Variants in CYB5RL observed in about 807,000 individuals in gnomAD.
CYB5RL encodes the protein NADH-cytochrome b5 reductase-like.
In CYB5RL, 38 loss-of-function variants were observed where a neutral mutation model predicts 37.5. The ratio of observed to expected loss-of-function variants is 1.01; its 90% confidence interval spans 0.78 to 1.33. CYB5RL has a LOEUF of 1.33. Ranked by LOEUF, CYB5RL falls within the 40% of genes most tolerant of loss-of-function variation. The pLI is 0.00. For missense variants in CYB5RL, 388 were observed against 394.4 expected (o/e 0.98, Z 0.14); for synonymous variants, 141 against 151.9 (o/e 0.93, Z 0.53).
chr1:54,191,274 T>C (rs1570117182), intron 3 of CYB5RL, among the ~76,000 whole-genome samples: 1 of 152,340 alleles, frequency 6.6e-6, no homozygotes, highest in Non-Finnish European at 1.5e-5. Flanking sequence ...TCTGAGTCTT[T>C]ATTTGCTCAA....
intron 1 of CYB5RL, among the ~76,000 whole-genome samples, chr1:54,198,145 T>C (rs1368530745): frequency 6.6e-6 from 1 of 150,530 alleles, no homozygotes; most frequent in African/African-American, 2.5e-5. Flanking sequence ...AGTTTACAGA[T>C]ACAATCTGGG....
At chr1:54,175,509 G>C (rs940501389) in intron 7 of CYB5RL, 21 of 302,022 alleles carry the variant, frequency 7.0e-5, no homozygotes, top group African/African-American at 2.2e-4. Context: ...CAAAATGAAG[G>C]CTCCACTCCC....
intron 7 of CYB5RL, chr1:54,175,578 A>C (rs1388104915): frequency 5.4e-6 from 2 of 369,728 alleles, no homozygotes; most frequent in African/African-American, 4.2e-5. Context: ...GGAGTACAAC[A>C]TATGTGTAGA....
intron 5 of CYB5RL, among the ~76,000 whole-genome samples, chr1:54,186,958 G>A (rs1643906613): frequency 6.6e-6 from 1 of 152,070 alleles, no homozygotes; most frequent in Non-Finnish European, 1.5e-5. Context: ...TTAAATATTC[G>A]TAATGATTCC....
intron 7 of CYB5RL, chr1:54,175,654 C>T (rs1287186915): frequency 4.5e-6 from 2 of 444,884 alleles, no homozygotes; most frequent in Non-Finnish European, 9.0e-6. Flanking sequence ...TTTGTGGATT[C>T]AACCAACTGT....
chr1:54,174,702 A>C lies in CYB5RL; in HGVS notation c.865T>G (p.Cys289Gly), dbSNP rs757112805. 1.9e-5 allele frequency: 31 copies of C among 1,613,854 alleles called. No homozygotes were observed. Among genetic ancestry groups the C allele is most frequent in the South Asian group, 8.8e-5 (8 of 91,038 alleles). The part of the protein sequence containing the change: ...CCRRKPFALV[C>G]GSAEFTKDIA... Reference sequence around the variant, plus strand: ...TCTTTGGTGAACTCAGCCGAGCCACAGACCAGTGCGAATGGCTTTCTCCGA... The same window carrying C: ...TCTTTGGTGAACTCAGCCGAGCCACCGACCAGTGCGAATGGCTTTCTCCGA... The change falls in exon 8 of 8, where the codon TGT becomes GGT. Residue 289 changes from cysteine to glycine, a missense_variant. Coordinates refer to ENST00000534324, the MANE Select transcript of CYB5RL (RefSeq NM_001031672.4).
At chr1:54,183,423 C>G (rs1660213160) in intron 6 of CYB5RL, among the ~76,000 whole-genome samples, 1 of 152,158 alleles carries the variant, frequency 6.6e-6, no homozygotes, top group Non-Finnish European at 1.5e-5. Flanking sequence ...TATGCACCAA[C>G]TGATGAGAAA....
intron 6 of CYB5RL, among the ~76,000 whole-genome samples, chr1:54,182,963 T>A (rs1004271942): frequency 1.3e-5 from 2 of 152,260 alleles, no homozygotes; most frequent in Admixed American, 6.5e-5. Context: ...GTAATAGGTG[T>A]TCGCTGCAAA....
intron 7 of CYB5RL, among the ~76,000 whole-genome samples, chr1:54,176,688 A>G (rs562689620): frequency 6.6e-6 from 1 of 152,062 alleles, no homozygotes; most frequent in South Asian, 2.1e-4. Context: ...CCCCTTTTCC[A>G]CTGCTCATTT....
In CYB5RL at chr1:54,183,326, A is replaced by G. The variant is rs149918306; in HGVS notation, c.540+835T>C. Reference sequence around the variant, plus strand: ...CGCAGAAGAGCCAGCATTTTGATTCATTCTATAGGACGGACTTCCATAAGT... The same window carrying G: ...CGCAGAAGAGCCAGCATTTTGATTCGTTCTATAGGACGGACTTCCATAAGT... On this transcript the variant is annotated intron_variant, in intron 6 of 7. Transcript: ENST00000534324. Among the ~76,000 whole-genome samples the G allele has an allele frequency of 1.6e-3, 240 of 152,340 alleles. 2 individuals are homozygous for G. Among genetic ancestry groups the G allele is most frequent in the African/African-American group, 5.7e-3 (235 of 41,574 alleles).
At position 54,171,265 on chromosome 1, in the gene CYB5RL, G is replaced by A. The variant is rs1406717476; in HGVS notation, c.*3354C>T. ...GGGATGAGCTGACGCAAGAGAACAT[G>A]TTTGGAGCCTGAGAGGTGGGTGTGA... On this transcript the variant is annotated 3_prime_UTR_variant, in exon 8 of 8. Coordinates refer to ENST00000534324, the MANE Select transcript of CYB5RL (RefSeq NM_001031672.4). The A allele has an allele frequency of 2.2e-5, 10 of 456,200 alleles. No homozygotes were observed. Among genetic ancestry groups the A allele is most frequent in the Non-Finnish European group, 2.6e-5 (6 of 226,814 alleles). 28.3% of individuals were successfully genotyped at this position (456,200 alleles called of 1,614,324 possible).
intron 4 of CYB5RL, among the ~76,000 whole-genome samples, chr1:54,189,159 G>T (rs1240254537): frequency 6.6e-6 from 1 of 151,520 alleles, no homozygotes; most frequent in African/African-American, 2.4e-5. Context: ...CTCCAACCTG[G>T]GTGACAGAGT....
chr1:54,184,461 G>A, intron 5 of CYB5RL, 196 bp from the exon 6 acceptor site: 1 of 540,006 alleles, frequency 1.9e-6, no homozygotes, highest in South Asian at 2.6e-5. Flanking sequence ...TTACACAGAA[G>A]GCAGACAGGA....
rs1346723971 is a variant in CYB5RL, at chr1:54,195,631, C to A, written c.-15G>T. ...TCAGCCATCATCAGTGGGGCTTGGG[C>A]AGCCTAGAAGGAACAACTGGGTGCT... On this transcript the variant is annotated 5_prime_UTR_variant, in exon 3 of 8. Coordinates refer to ENST00000534324, the MANE Select transcript of CYB5RL (RefSeq NM_001031672.4). The A allele has an allele frequency of 3.8e-6, 6 of 1,597,822 alleles. No homozygotes were observed. Among genetic ancestry groups the A allele is most frequent in the Non-Finnish European group, 5.1e-6 (6 of 1,170,280 alleles).
In CYB5RL at chr1:54,170,604, G is replaced by A. The variant is rs11810652; in HGVS notation, c.*4015C>T. ...TTTTTTGTATTTTTAGTACAGACGG[G>A]GTTTCACCGTGTTAGCCAGGATGGT... On this transcript the variant is annotated 3_prime_UTR_variant, in exon 8 of 8. Transcript: ENST00000534324. The A allele has an allele frequency of 0.043, 7,026 of 161,588 alleles. 399 individuals carry two copies. Among genetic ancestry groups the A allele is most frequent in the East Asian group, 0.25 (1,479 of 5,814 alleles). The allele number at this position is 161,588 out of a possible 1,614,324, so 10.0% of individuals were successfully genotyped here. A position where few individuals can be genotyped will look rare whatever the true frequency, so the allele number is the denominator to read the frequency against.
chr1:54,194,933 C>T (rs546711962), intron 3 of CYB5RL, among the ~76,000 whole-genome samples: 1 of 152,170 alleles, frequency 6.6e-6, no homozygotes, highest in Non-Finnish European at 1.5e-5. Context: ...ACTGCTTAGT[C>T]CAGACTATGA....
In CYB5RL at chr1:54,170,992, G is replaced by C; in HGVS notation, c.*3627C>G. On this transcript the variant is annotated 3_prime_UTR_variant, in exon 8 of 8. Coordinates refer to ENST00000534324, the MANE Select transcript of CYB5RL (RefSeq NM_001031672.4). Reference sequence around the variant, plus strand: ...GTATTCGACATCCAGGAAGTGCTGAGCATCCTCCCCTGTTAGGGGTACAAT... The same window carrying C: ...GTATTCGACATCCAGGAAGTGCTGACCATCCTCCCCTGTTAGGGGTACAAT... 1 of 374,972 alleles carries C rather than the reference G, an allele frequency of 2.7e-6. No homozygotes were observed. The highest frequency in any genetic ancestry group is 1.9e-5 in the South Asian group (1 of 51,872). The allele number at this position is 374,972 out of a possible 1,614,324, so 23.2% of individuals were successfully genotyped here. A position where few individuals can be genotyped will look rare whatever the true frequency, so the allele number is the denominator to read the frequency against.
In CYB5RL at chr1:54,171,771, G is replaced by A; in HGVS notation, c.*2848C>T. On this transcript the variant is annotated 3_prime_UTR_variant, in exon 8 of 8. Transcript: ENST00000534324. ...ATCATCAGAGGAACAGCAGCTGATGGGAACCATGCCCCCACAGCTCCAAGA... is the reference window on the plus strand; with the variant it reads ...ATCATCAGAGGAACAGCAGCTGATGAGAACCATGCCCCCACAGCTCCAAGA... 1 of 309,718 alleles carries A rather than the reference G, an allele frequency of 3.2e-6. No individual in the cohort carries two copies. The highest frequency in any genetic ancestry group is 4.0e-5 in the Admixed American group (1 of 24,944). 19.2% of individuals were successfully genotyped at this position (309,718 alleles called of 1,614,324 possible).
At chr1:54,196,204 C>T (rs1167644900) in intron 2 of CYB5RL, among the ~76,000 whole-genome samples, 165 bp downstream of exon 2, 1 of 152,070 alleles carries the variant, frequency 6.6e-6, no homozygotes, top group East Asian at 1.9e-4. Flanking sequence ...TTTTGTTTTG[C>T]TGAGATGAGG....
Sources: gnomAD v4.1 joint callset for allele counts (sites outside exome capture counted in the v4.1 genomes callset) on GRCh38, gnomAD v4.1.1 for gene constraint, MANE v1.5 for transcripts, NCBI Gene and HGNC (gene_info 2026-07-23, HGNC 2026-07-21) for gene names.